Variants in GOLGA6L22 observed in about 807,000 individuals in gnomAD.
GOLGA6L22 encodes the protein golgin A6 family like 22, also known as golgin subfamily A member 6-like protein 22.
In GOLGA6L22, 28 loss-of-function variants were observed where a neutral mutation model predicts 77.1. The ratio of observed to expected loss-of-function variants is 0.36; its 90% CI spans 0.27 to 0.50. GOLGA6L22 has a LOEUF of 0.50. GOLGA6L22 is among the 20% of genes least tolerant of loss of function. The pLI is 0.97. For missense variants in GOLGA6L22, 250 were observed against 620.4 expected (o/e 0.40, Z 6.34); for synonymous variants, 62 against 185.3 (o/e 0.33, Z 5.41).
chr15:22,463,665 G>C (rs1887592270), intron 5 of GOLGA6L22, among the ~76,000 whole-genome samples, 176 bp from the exon 6 acceptor site: 1 of 130,998 alleles, frequency 7.6e-6, no homozygotes, highest in Non-Finnish European at 1.6e-5. Flanking sequence ...AAAAAAGAAA[G>C]AAAGAAAGAA....
In GOLGA6L22 at chr15:22,465,756, T is replaced by TAA; in HGVS notation, c.1364_1365insAA (p.Trp456SerfsTer109). The TAA allele has an allele frequency of 1.5e-6, 2 of 1,310,274 alleles. No individual in the cohort carries two copies. Among genetic ancestry groups the TAA allele is most frequent in the African/African-American group, 2.9e-5 (1 of 33,928 alleles). The allele number at this position is 1,310,274 out of a possible 1,614,324, so 81.2% of individuals were successfully genotyped here. A position where few individuals can be genotyped will look rare whatever the true frequency, so the allele number is the denominator to read the frequency against. On this transcript the variant is annotated frameshift_variant, in exon 8 of 9. Coordinates refer to ENST00000622895, the Ensembl canonical transcript of GOLGA6L22. LOFTEE classifies it high-confidence loss of function. Reference sequence around the variant, plus strand: ...AAGATACGGGAGCAGGAGGAGAAGGTGTGGAGGCAGGAGGAGAAGATACGG... The same window carrying TAA: ...AAGATACGGGAGCAGGAGGAGAAGGTAAGTGGAGGCAGGAGGAGAAGATACGG...
In GOLGA6L22 at chr15:22,460,915, A is replaced by C. The variant is rs1313928568; in HGVS notation, c.147A>C (p.Thr49=). ...TAAATAATGGCACTAGCCCTGAGACAACCACTTCTGGTGGTTGCCACTCGC... is the reference window on the plus strand; with the variant it reads ...TAAATAATGGCACTAGCCCTGAGACCACCACTTCTGGTGGTTGCCACTCGC... Residue 49 remains threonine, a synonymous_variant, in exon 2 of 9, where the codon ACA becomes ACC. Coordinates refer to ENST00000622895, the Ensembl canonical transcript of GOLGA6L22. The C allele has an allele frequency of 1.3e-6, 2 of 1,536,360 alleles. 1 individual carries two copies. The highest frequency in any genetic ancestry group is 1.8e-6 in the Non-Finnish European group (2 of 1,136,004).
chr15:22,463,310 A>C (rs1388631457), intron 5 of GOLGA6L22, among the ~76,000 whole-genome samples: 4 of 148,946 alleles, frequency 2.7e-5, no homozygotes, highest in African/African-American at 1.0e-4. Context: ...AGCCAGCTCT[A>C]AATTCAATCT....
At chr15:22,463,997 TA>T in intron 6 of GOLGA6L22, 98 bp downstream of exon 6, 1 of 1,141,454 alleles carries the variant, frequency 8.8e-7, no homozygotes, top group Non-Finnish European at 1.2e-6. Flanking sequence ...GAGAGGCTCA[TA>T]CATGTTTTCA....
Position 22,461,884 on chromosome 15 carries a change from C to T in GOLGA6L22, c.181-150C>T, listed in dbSNP as rs1235419564. 21 of 769,954 alleles carry T rather than the reference C, an allele frequency of 2.7e-5. 3 individuals are homozygous for T. The highest frequency in any genetic ancestry group is 4.1e-5 in the Non-Finnish European group (20 of 489,616). 47.7% of individuals were successfully genotyped at this position (769,954 alleles called of 1,614,324 possible). A position where few individuals can be genotyped will look rare whatever the true frequency, so the allele number is the denominator to read the frequency against. On this transcript the variant is annotated intron_variant, in intron 2 of 8. Coordinates refer to ENST00000622895, the Ensembl canonical transcript of GOLGA6L22. Reference sequence around the variant, plus strand: ...CCAGCCTGGGGAAGAAGGCTCACCCCCAAGATTCCACCCCATCCCCACAGG... The same window carrying T: ...CCAGCCTGGGGAAGAAGGCTCACCCTCAAGATTCCACCCCATCCCCACAGG...
rs1566906754 is a variant in GOLGA6L22, at chr15:22,466,442, C to G, written c.2050C>G (p.Gln684Glu). The stretch of plus-strand genomic sequence containing the variant: ...AGAACAGGAGGAGAAGATGCGGAGG[C>G]AGGAGGAGAAGATAAGGGAGCAGGA... The change falls in exon 8 of 9, where the codon CAG becomes GAG. Residue 684 changes from glutamine to glutamate, a missense_variant. Physicochemically the swap from Gln to Glu is conservative, Grantham distance 29 (BLOSUM62 2). Transcript: ENST00000622895. 3 of 1,064,598 alleles carry G rather than the reference C, an allele frequency of 2.8e-6. 1 individual carries two copies. Among genetic ancestry groups the G allele is most frequent in the Non-Finnish European group, 4.0e-6 (3 of 749,540 alleles). 65.9% of individuals were successfully genotyped at this position (1,064,598 alleles called of 1,614,324 possible). A position where few individuals can be genotyped will look rare whatever the true frequency, so the allele number is the denominator to read the frequency against.
At chr15:22,465,398 CAGG>C in exon 8 of GOLGA6L22, 4 of 355,542 alleles carry the variant, frequency 1.1e-5, no homozygotes, top group South Asian at 8.1e-5. Context: ...AGAGAAGAGG[CAGG>C]AGGAGGAGAA....
rs781417888 is a variant in GOLGA6L22 at position 22,466,379 on chromosome 15, C to G, written c.1987C>G (p.Gln663Glu). The change falls in exon 8 of 9, where the codon CAG becomes GAG. Residue 663 changes from glutamine to glutamate, a missense_variant. Coordinates refer to ENST00000622895, the Ensembl canonical transcript of GOLGA6L22. ...GGAACAGGAAGAGAAGATGGGGGAG[C>G]AGGAGGAGAAGATTTGGGAGCAGGA... is the stretch of plus-strand genomic sequence containing the variant. The G allele has an allele frequency of 1.5e-5, 21 of 1,410,298 alleles. 4 individuals are homozygous for G. In the Middle Eastern group the frequency reaches 1.1e-3, roughly 75 times the overall value. The allele number at this position is 1,410,298 out of a possible 1,614,324, so 87.4% of individuals were successfully genotyped here. A position where few individuals can be genotyped will look rare whatever the true frequency, so the allele number is the denominator to read the frequency against.
chr15:22,463,236 G>C (rs1365522587), intron 5 of GOLGA6L22, among the ~76,000 whole-genome samples: 5,530 of 132,606 alleles, frequency 0.042, 10 homozygotes, highest in East Asian at 0.093. Flanking sequence ...AGAAAGGTTC[G>C]AACAGTGGTA....
upstream of GOLGA6L22, chr15:22,459,014 C>G: frequency 5.3e-5 from 6 of 112,182 alleles, no homozygotes; most frequent in South Asian, 4.6e-4. Context: ...GGCCCCAACC[C>G]CACCTCCCTA....
rs750313571 is a variant in GOLGA6L22, at chr15:22,465,767, G to A, written c.1375G>A (p.Glu459Lys). 166 of 1,398,564 alleles carry A rather than the reference G, an allele frequency of 1.2e-4. 20 individuals are homozygous for A. The South Asian group carries it at 2.0e-3, about 17-fold the overall frequency. The allele number at this position is 1,398,564 out of a possible 1,614,324, so 86.6% of individuals were successfully genotyped here. A position where few individuals can be genotyped will look rare whatever the true frequency, so the allele number is the denominator to read the frequency against. Reference sequence around the variant, plus strand: ...GCAGGAGGAGAAGGTGTGGAGGCAGGAGGAGAAGATACGGGAGCAGGAGAA... The same window carrying A: ...GCAGGAGGAGAAGGTGTGGAGGCAGAAGGAGAAGATACGGGAGCAGGAGAA... Residue 459 changes from glutamate (E) to lysine (K), a missense_variant, in exon 8 of 9, where the codon GAG becomes AAG. Glu to Lys is a moderately conservative substitution (Grantham distance 56). Coordinates refer to ENST00000622895, the Ensembl canonical transcript of GOLGA6L22.
intron 7 of GOLGA6L22, among the ~76,000 whole-genome samples, chr15:22,464,718 G>A (rs1346639018): frequency 7.7e-6 from 1 of 129,598 alleles, no homozygotes; most frequent in Non-Finnish European, 1.6e-5. Context: ...GCGCAATCTC[G>A]GCTCACTGCA....
At chr15:22,463,638 T>C (rs1365805195) in intron 5 of GOLGA6L22, among the ~76,000 whole-genome samples, 1 of 122,994 alleles carries the variant, frequency 8.1e-6, no homozygotes, top group African/African-American at 3.2e-5. Flanking sequence ...GCAACAAGAA[T>C]GAAACTCTGC....
chr15:22,465,788 G>A (rs1468810081), exon 8 of GOLGA6L22: 24 of 1,408,664 alleles, frequency 1.7e-5, no homozygotes, highest in South Asian at 2.7e-5. Context: ...ACGGGAGCAG[G>A]AGAAGAAACG....
Position 22,461,943 on chromosome 15 carries a change from T to A in GOLGA6L22, c.181-91T>A, listed in dbSNP as rs549572337. The A allele has an allele frequency of 3.8e-5, 50 of 1,327,684 alleles. 11 individuals carry two copies. In the South Asian group the frequency reaches 6.5e-4, roughly 17 times the overall value. 82.2% of individuals were successfully genotyped at this position (1,327,684 alleles called of 1,614,324 possible). ...TAAACTGGTCCCATGGGTGGGCCTG[T>A]TCTGGGACAGTGGTGCCATTCTGGG... On this transcript the variant is annotated intron_variant, in intron 2 of 8. Coordinates refer to ENST00000622895, the Ensembl canonical transcript of GOLGA6L22.
At chr15:22,468,972 G>A (rs528090385) in exon 9 of GOLGA6L22, 14 of 130,844 alleles carry the variant, frequency 1.1e-4, no homozygotes, top group African/African-American at 4.4e-4. Flanking sequence ...AAGATACAGA[G>A]TATTTCTATC....
exon 8 of GOLGA6L22, chr15:22,466,336 G>T: frequency 7.9e-7 from 1 of 1,268,278 alleles, no homozygotes. Context: ...AGATACGAGA[G>T]CAGGAGGAGA....
intron 1 of GOLGA6L22, among the ~76,000 whole-genome samples, chr15:22,459,692 T>TC (rs891142968): frequency 2.3e-5 from 3 of 129,748 alleles, no homozygotes; most frequent in Non-Finnish European, 4.7e-5. Context: ...CACTCATGTG[T>TC]CCCCCCCAAC....
Position 22,465,860 on chromosome 15 carries a change from C to T in GOLGA6L22, c.1468C>T (p.Arg490Trp), listed in dbSNP as rs756964043. The change falls in exon 8 of 9, where the codon CGG (arginine) becomes TGG (tryptophan). Residue 490 changes from arginine (R) to tryptophan (W), a missense_variant. Coordinates refer to ENST00000622895, the Ensembl canonical transcript of GOLGA6L22. ...GATACGGGAGCAGGAGGAGAAGATA[C>T]GGGAGCAGGAGGAGATGTGGAGGGA... 36 of 1,380,218 alleles carry T rather than the reference C, an allele frequency of 2.6e-5. 4 individuals carry two copies. Among genetic ancestry groups the T allele is most frequent in the Middle Eastern group, 2.6e-4 (1 of 3,784 alleles). 85.5% of individuals were successfully genotyped at this position (1,380,218 alleles called of 1,614,324 possible). A position where few individuals can be genotyped will look rare whatever the true frequency, so the allele number is the denominator to read the frequency against.
Sources: gnomAD v4.1 joint callset for allele counts (sites outside exome capture counted in the v4.1 genomes callset) on GRCh38, gnomAD v4.1.1 for gene constraint, MANE v1.5 for transcripts, NCBI Gene and HGNC (gene_info 2026-07-23, HGNC 2026-07-21) for gene names.